Variants in CDON observed in about 807,000 individuals in gnomAD.
CDON encodes cell adhesion associated, oncogene regulated, also known as cell adhesion molecule-related/down-regulated by oncogenes.
CDON carries 73 observed loss-of-function variants against 120.9 expected under a neutral mutation model. The observed-to-expected ratio is 0.60, with a 90% CI of 0.50 to 0.73. The LOEUF (loss-of-function observed/expected upper bound fraction) is 0.73, where lower values mean the gene tolerates loss of function less well. Among genes scored for constraint, CDON ranks in the 30% least tolerant of loss-of-function variants. The pLI is 0.00. For missense variants in CDON, 1,470 were observed against 1,587.3 expected (o/e 0.93, Z 1.26); for synonymous variants, 566 against 573.5 (o/e 0.99, Z 0.19).
rs1945571914 is a variant in CDON at position 125,959,201 on chromosome 11, C to T, written c.*1741G>A. The T allele has an allele frequency of 6.6e-6, 1 of 152,144 alleles. No homozygotes were observed. The highest frequency in any genetic ancestry group is 2.1e-4 in the South Asian group (1 of 4,832). 9.4% of individuals were successfully genotyped at this position (152,144 alleles called of 1,614,324 possible). On this transcript the variant is annotated 3_prime_UTR_variant, in exon 20 of 20. Transcript: ENST00000531738. ...ACAGTTCTATTATAAAATATATAGA[C>T]ATATGTAAGGGAATACTGATGCATT...
At chr11:125,968,187 T>C (rs1945860086) in intron 18 of CDON, among the ~76,000 whole-genome samples, 1 of 152,250 alleles carries the variant, frequency 6.6e-6, no homozygotes, top group Non-Finnish European at 1.5e-5. Context: ...ATAACCTGTT[T>C]ATACAGATTG....
chr11:126,007,007 A>C (rs1457200029), intron 8 of CDON, among the ~76,000 whole-genome samples: 1 of 152,184 alleles, frequency 6.6e-6, no homozygotes, highest in Non-Finnish European at 1.5e-5. Context: ...GCTGTGAAAA[A>C]AAAAATAATA....
intron 7 of CDON, among the ~76,000 whole-genome samples, chr11:126,013,047 A>C (rs775068121): frequency 1.3e-5 from 2 of 152,182 alleles, no homozygotes; most frequent in Non-Finnish European, 2.9e-5. Context: ...CTCTATTTCT[A>C]CTTTTCTAAG....
rs139352705 is a variant in CDON, at chr11:125,969,398, A to G, written c.3357-7400T>C. Among the ~76,000 whole-genome samples the G allele has an allele frequency of 4.6e-3, 707 of 152,384 alleles. 6 individuals are homozygous for G. Among genetic ancestry groups the G allele is most frequent in the African/African-American group, 0.016 (645 of 41,588 alleles). On this transcript the variant is annotated intron_variant, in intron 18 of 19. Coordinates refer to ENST00000531738, the MANE Select transcript of CDON (RefSeq NM_001378964.1). The stretch of plus-strand genomic sequence containing the variant: ...CTGTACATATGTAAACTTAAGAGAC[A>G]AATCTAAGGTAGTAAATAAGAAAAC...
In CDON at chr11:126,023,480, G is replaced by A. The variant is rs574800451; in HGVS notation, c.-4C>T. 32 of 1,606,356 alleles carry A rather than the reference G, an allele frequency of 2.0e-5. No individual in the cohort carries two copies. Among genetic ancestry groups the A allele is most frequent in the Middle Eastern group, 1.7e-4 (1 of 6,040 alleles). ...AGGGTCCAAGATCCGGATGCATAGC[G>A]CCAGATTACAGAAGCAATCAGGACA... On this transcript the variant is annotated 5_prime_UTR_variant, in exon 2 of 20. Coordinates refer to ENST00000531738, the MANE Select transcript of CDON (RefSeq NM_001378964.1).
At chr11:125,978,860 A>G (rs1946214899) in intron 17 of CDON, among the ~76,000 whole-genome samples, 1 of 152,194 alleles carries the variant, frequency 6.6e-6, no homozygotes. Flanking sequence ...AATTATTTCA[A>G]TTAGGTCTGT....
intron 9 of CDON, chr11:126,005,558 T>C (rs1021580562): frequency 3.3e-6 from 2 of 605,850 alleles, no homozygotes; most frequent in Non-Finnish European, 5.9e-6. Context: ...AATTCCAATT[T>C]GGGGGGAAAT....
intron 2 of CDON, 40 bp downstream of exon 2, chr11:126,023,361 A>C (rs1167265251): frequency 8.3e-7 from 1 of 1,202,122 alleles, no homozygotes. Flanking sequence ...GATTAAGATG[A>C]GTAAAGGCCA....
At chr11:125,964,963 G>A (rs192875786) in intron 18 of CDON, among the ~76,000 whole-genome samples, 9 of 152,260 alleles carry the variant, frequency 5.9e-5, no homozygotes, top group Admixed American at 2.6e-4. Flanking sequence ...GTCTCGCTCC[G>A]TTGCCCAGGC....
At chr11:126,006,941 G>A (rs889602427) in intron 8 of CDON, among the ~76,000 whole-genome samples, 1 of 151,946 alleles carries the variant, frequency 6.6e-6, no homozygotes, top group African/African-American at 2.4e-5. Flanking sequence ...TACAGTTGAA[G>A]AAATTAAGGT....
intron 1 of CDON, among the ~76,000 whole-genome samples, chr11:126,059,310 C>G (rs531628624): frequency 6.6e-6 from 1 of 152,316 alleles, no homozygotes; most frequent in East Asian, 1.9e-4. Flanking sequence ...CTGGAGTTCA[C>G]TTCAGTGCTG....
chr11:126,005,340 A>G (rs929629985), intron 9 of CDON: 1 of 186,602 alleles, frequency 5.4e-6, no homozygotes, highest in South Asian at 9.7e-5. Flanking sequence ...ACAAAAAAAA[A>G]CTTGAAATGC....
chr11:125,990,006 G>T (rs1254856355), intron 14 of CDON, among the ~76,000 whole-genome samples: 2 of 152,072 alleles, frequency 1.3e-5, no homozygotes, highest in Admixed American at 6.6e-5. Flanking sequence ...CTGTGTGTTG[G>T]CAATAATACT....
At chr11:125,975,180 T>C (rs1253522048) in intron 18 of CDON, among the ~76,000 whole-genome samples, 1 of 152,264 alleles carries the variant, frequency 6.6e-6, no homozygotes, top group Non-Finnish European at 1.5e-5. Context: ...AAAAATTGCA[T>C]ACCCTTGTAT....
intron 18 of CDON, among the ~76,000 whole-genome samples, chr11:125,975,312 T>TA (rs1392042056): frequency 6.6e-6 from 1 of 152,268 alleles, no homozygotes; most frequent in African/African-American, 2.4e-5. Context: ...TCACTATTGT[T>TA]AGACTATGGA....
At chr11:126,021,662 T>C (rs1947642513) in intron 2 of CDON, 142 bp from the exon 3 acceptor site, 1 of 786,900 alleles carries the variant, frequency 1.3e-6, no homozygotes, top group Non-Finnish European at 2.0e-6. Context: ...TTCTTGATGC[T>C]TGTAAAAGTT....
chr11:125,956,887 T>G lies in CDON; in HGVS notation c.*4055A>C, dbSNP rs1018530949. ...CGGCTACCCTCAAAGCTCTCAGGACTGGGGCTAGGGTTTAAGGAAGGCTTA... is the reference window on the plus strand; with the variant it reads ...CGGCTACCCTCAAAGCTCTCAGGACGGGGGCTAGGGTTTAAGGAAGGCTTA... On this transcript the variant is annotated 3_prime_UTR_variant, in exon 20 of 20. Transcript: ENST00000531738. The G allele has an allele frequency of 9.2e-6, 9 of 981,512 alleles. No individual in the cohort carries two copies. In the East Asian group the frequency reaches 1.0e-3, roughly 111 times the overall value. The allele number at this position is 981,512 out of a possible 1,614,324, so 60.8% of individuals were successfully genotyped here.
chr11:126,044,282 G>A (rs574903142), intron 1 of CDON, among the ~76,000 whole-genome samples: 2 of 152,204 alleles, frequency 1.3e-5, no homozygotes, highest in East Asian at 1.9e-4. Context: ...ATTATATATC[G>A]GGGAGTACTT....
At chr11:126,035,760 G>T (rs995696640) in intron 1 of CDON, among the ~76,000 whole-genome samples, 3 of 152,082 alleles carry the variant, frequency 2.0e-5, no homozygotes, top group African/African-American at 7.2e-5. Context: ...GTAACCATCA[G>T]GATACAATGC....
Sources: allele counts gnomAD v4.1 joint callset (sites outside exome capture counted in the v4.1 genomes callset), GRCh38; gene constraint gnomAD v4.1.1; transcripts MANE v1.5; gene names NCBI Gene and HGNC (gene_info 2026-07-23, HGNC 2026-07-21).